Variants in GIPC1 observed in about 807,000 individuals in gnomAD.
GIPC1 encodes the protein PDZ domain-containing protein GIPC1.
A neutral mutation model predicts 28.5 loss-of-function variants in GIPC1; 15 were observed. The ratio of observed to expected loss-of-function variants is 0.53; its 90% CI spans 0.35 to 0.81. The LOEUF (loss-of-function observed/expected upper bound fraction) is 0.81, where lower values mean the gene tolerates loss of function less well. Ranked by LOEUF, GIPC1 falls within the 30% of genes least tolerant of loss-of-function variation. GIPC1 has a pLI of 0.01. For missense variants in GIPC1, 439 were observed against 481.9 expected (o/e 0.91, Z 0.83); for synonymous variants, 224 against 206.1 (o/e 1.09, Z -0.74).
Position 14,492,092 on chromosome 19 carries a change from C to G in GIPC1, c.-118-349G>C, listed in dbSNP as rs1417779819. Among the ~76,000 whole-genome samples the G allele has an allele frequency of 2.6e-5, 4 of 151,972 alleles. No individual in the cohort carries two copies. In the East Asian group the frequency reaches 7.8e-4, roughly 30 times the overall value. On this transcript the variant is annotated intron_variant, in intron 2 of 8. Transcript: ENST00000393033. ...CAAAAAAAAGAAAAAAGAAAAGACC[C>G]CTCATCATCCCTCCAATTCCGCCAG...
At chr19:14,482,638 G>C in intron 4 of GIPC1, 51 bp downstream of exon 4, 1 of 1,568,214 alleles carries the variant, frequency 6.4e-7, no homozygotes, top group Non-Finnish European at 8.7e-7. Context: ...TGCAGGCCCA[G>C]ACCTCTGGTC....
chr19:14,491,126 A>G (rs889705931), intron 3 of GIPC1, among the ~76,000 whole-genome samples: 1 of 152,136 alleles, frequency 6.6e-6, no homozygotes, highest in African/African-American at 2.4e-5. Context: ...CCTGGCCAAC[A>G]TGGTGTGAGC....
rs1235060384 is a variant in GIPC1, at chr19:14,493,460, CTCTT to C, written c.-174-552_-174-549del. The stretch of plus-strand genomic sequence containing the variant: ...AGACCTTGGCCTTGCCCATCTCTCT[CTCTT>C]TTTTTTTTTTCGAGATGGAGTCTTG... On this transcript the variant is annotated intron_variant, in intron 1 of 8. Coordinates refer to ENST00000393033, the MANE Select transcript of GIPC1 (RefSeq NM_005716.4). Among the ~76,000 whole-genome samples the C allele has an allele frequency of 6.0e-5, 9 of 150,808 alleles. No homozygotes were observed. The South Asian group carries it at 6.3e-4, about 11-fold the overall frequency.
intron 3 of GIPC1, among the ~76,000 whole-genome samples, chr19:14,483,739 ACT>A (rs2071779884): frequency 6.9e-6 from 1 of 145,874 alleles, no homozygotes; most frequent in Non-Finnish European, 1.5e-5. Context: ...AAAGAGCAAG[ACT>A]CTGTCTCAAT....
intron 3 of GIPC1, 180 bp from the exon 4 acceptor site, chr19:14,483,186 T>G: frequency 1.8e-6 from 1 of 570,484 alleles, no homozygotes. Context: ...CTGGGTGCGG[T>G]GGCTCACGCC....
chr19:14,479,420 C>A lies in GIPC1; in HGVS notation c.760G>T (p.Glu254Ter), dbSNP rs1330174413. 1.4e-6 allele frequency: 2 copies of A among 1,383,310 alleles called. No homozygotes were observed. Among genetic ancestry groups the A allele is most frequent in the East Asian group, 2.9e-5 (1 of 34,590 alleles). 85.7% of individuals were successfully genotyped at this position (1,383,310 alleles called of 1,614,324 possible). A position where few individuals can be genotyped will look rare whatever the true frequency, so the allele number is the denominator to read the frequency against. The change falls in exon 7 of 9, where the codon GAG becomes TAG. Residue 254 changes from glutamate to a stop codon, truncating the protein, a stop_gained. Coordinates refer to ENST00000393033, the MANE Select transcript of GIPC1 (RefSeq NM_005716.4). LOFTEE classifies it high-confidence loss of function. ...RLRSRGPATVEDLPSAFEEKA... is the reference protein window; with the variant it reads ...RLRSRGPATV ...CCGGCTGGAGCACTCACCAGATCCT[C>A]CACCGTGGCGGGGCCCCGGGATCGG...
intron 3 of GIPC1, among the ~76,000 whole-genome samples, chr19:14,487,525 C>T (rs2071874537): frequency 6.6e-6 from 1 of 151,876 alleles, no homozygotes; most frequent in Non-Finnish European, 1.5e-5. Flanking sequence ...TGAGTCACTG[C>T]ACCCGGCCGA....
rs761858229 is a variant in GIPC1 at position 14,482,770 on chromosome 19, G to A, written c.207C>T (p.Pro69=). The change falls in exon 4 of 9, where the codon CCC becomes CCT. Residue 69 remains proline, a synonymous_variant. Transcript: ENST00000393033. ...TGGTGAAGCCCTCGATGCGGCCAGT[G>A]GGACTGCCATGGGCCAGCTGGGTGT... ...VFHTQLAHGS[P]TGRIEGFTNV... 2 of 1,610,494 alleles carry A rather than the reference G, an allele frequency of 1.2e-6. No individual in the cohort carries two copies. The highest frequency in any genetic ancestry group is 1.1e-5 in the South Asian group (1 of 90,824).
At chr19:14,481,417 G>A (rs1236246738) in intron 4 of GIPC1, among the ~76,000 whole-genome samples, 3 of 152,092 alleles carry the variant, frequency 2.0e-5, no homozygotes, top group Non-Finnish European at 1.5e-5. Flanking sequence ...CTAGGATTTC[G>A]GTCCTAGCAA....
chr19:14,494,697 GCT>G (rs1273991141), intron 1 of GIPC1, among the ~76,000 whole-genome samples: 12 of 152,114 alleles, frequency 7.9e-5, no homozygotes, highest in African/African-American at 2.7e-4. Flanking sequence ...CGTTCTGATT[GCT>G]CTCTGTGCTC....
In GIPC1 at chr19:14,496,062, G is replaced by A; in HGVS notation, c.-200C>T. ...CTGCTCCGCCGCCGCCGCCGCCGCC[G>A]CCGCCGCCGCCGCTGCCTCCGCCTC... On this transcript the variant is annotated 5_prime_UTR_variant, in exon 1 of 9. Coordinates refer to ENST00000393033, the MANE Select transcript of GIPC1 (RefSeq NM_005716.4). The A allele has an allele frequency of 1.2e-5, 3 of 248,368 alleles. No individual in the cohort carries two copies. The highest frequency in any genetic ancestry group is 7.0e-5 in the South Asian group (1 of 14,368). 15.4% of individuals were successfully genotyped at this position (248,368 alleles called of 1,614,324 possible).
In GIPC1 at chr19:14,495,184, C is replaced by G. The variant is rs543939484; in HGVS notation, c.-175+853G>C. On this transcript the variant is annotated intron_variant, in intron 1 of 8. Transcript: ENST00000393033. ...ATCCTGGCCCCCTGCAGACGCCACT[C>G]TCTTCTCTGGACCCAGGTAGTTAGA... Among the ~76,000 whole-genome samples, 10 of 152,308 alleles carry G rather than the reference C, an allele frequency of 6.6e-5. No homozygotes were observed. The South Asian group carries it at 2.1e-3, about 32-fold the overall frequency.
Position 14,480,406 on chromosome 19 carries a change from C to G in GIPC1, c.554G>C (p.Ser185Thr). Residue 185 changes from serine to threonine, a missense_variant, in exon 6 of 9, where the codon AGC (serine) becomes ACC (threonine). Coordinates refer to ENST00000393033, the MANE Select transcript of GIPC1 (RefSeq NM_005716.4). ...CTCGTAGTGCCGGCAGCCCAGCAGG[C>G]TCTGCCCGTTAATGGCCTCGATCAT... The part of the protein sequence containing the change: ...GDMIEAINGQ[S>T]LLGCRHYEVA... 1 of 1,613,526 alleles carries G rather than the reference C, an allele frequency of 6.2e-7. No homozygotes were observed. Among genetic ancestry groups the G allele is most frequent in the South Asian group, 1.1e-5 (1 of 91,048 alleles).
At chr19:14,493,507 G>C (rs2072013955) in intron 1 of GIPC1, among the ~76,000 whole-genome samples, 1 of 151,748 alleles carries the variant, frequency 6.6e-6, no homozygotes, top group Non-Finnish European at 1.5e-5. Context: ...ACCCAGGTTG[G>C]AGTGCAGTGG....
In GIPC1 at chr19:14,478,449, G is replaced by A. The variant is rs756407408; in HGVS notation, c.969C>T (p.Gly323=). The change falls in exon 9 of 9, where the codon GGC becomes GGT. Residue 323 remains glycine, a synonymous_variant. Coordinates refer to ENST00000393033, the MANE Select transcript of GIPC1 (RefSeq NM_005716.4). The surrounding 1 kb of genome is among the most constrained non-coding windows in gnomAD (Gnocchi z 5.2). The part of the protein sequence containing the change: ...FPDEFVFDVW[G]AIGDAKVGRY The stretch of plus-strand genomic sequence containing the variant: ...GGCCGACCTTGGCGTCCCCAATGGC[G>A]CCCCAGACGTCAAAGACGAACTCGT... 32 of 1,611,776 alleles carry A rather than the reference G, an allele frequency of 2.0e-5. No homozygotes were observed. The highest frequency in any genetic ancestry group is 8.4e-5 in the Admixed American group (5 of 59,592).
At position 14,482,762 on chromosome 19, in the gene GIPC1, C is replaced by T. The variant is rs201549025; in HGVS notation, c.215G>A (p.Arg72His). 36 of 1,610,844 alleles carry T rather than the reference C, an allele frequency of 2.2e-5. No individual in the cohort carries two copies. The highest frequency in any genetic ancestry group is 1.1e-4 in the East Asian group (5 of 44,856). ...TQLAHGSPTG[R>H]IEGFTNVKEL... ...CTTGACGTTGGTGAAGCCCTCGATG[C>T]GGCCAGTGGGACTGCCATGGGCCAG... The change falls in exon 4 of 9, where the codon CGC (arginine) becomes CAC (histidine). Residue 72 changes from arginine (R) to histidine (H), a missense_variant. By Grantham distance (29) the Arg-to-His change is conservative. Transcript: ENST00000393033.
rs1341129768 is a variant in GIPC1, at chr19:14,483,005, A to G, written c.-29T>C. On this transcript the variant is annotated splice_region_variant and 5_prime_UTR_variant, in exon 4 of 9. Coordinates refer to ENST00000393033, the MANE Select transcript of GIPC1 (RefSeq NM_005716.4). Reference sequence around the variant, plus strand: ...CAGCGAGAAGTGGGGTCACCAGAAGATCTGCAGGACAGGAAGTGGGGCTCA... The same window carrying G: ...CAGCGAGAAGTGGGGTCACCAGAAGGTCTGCAGGACAGGAAGTGGGGCTCA... 1.2e-6 allele frequency: 2 copies of G among 1,601,418 alleles called. No homozygotes were observed. Among genetic ancestry groups the G allele is most frequent in the Admixed American group, 3.4e-5 (2 of 59,142 alleles).
chr19:14,489,609 A>T (rs780649120), intron 3 of GIPC1: 11 of 1,121,700 alleles, frequency 9.8e-6, no homozygotes, highest in Admixed American at 1.7e-5. Flanking sequence ...AAGCCTTGGA[A>T]TGAGTATAAA....
chr19:14,485,686 TATATATATATATATATAGAGAGAG>T (rs1485594305), intron 3 of GIPC1, among the ~76,000 whole-genome samples: 1 of 51,924 alleles, frequency 1.9e-5, no homozygotes, highest in East Asian at 3.5e-4. Context: ...AATAAACAAA[TATATATATATATATATAGAGAGAG>T]AGAGAGAGAG....
Sources: allele counts gnomAD v4.1 joint callset (sites outside exome capture counted in the v4.1 genomes callset), GRCh38; gene constraint gnomAD v4.1.1; non-coding constraint Gnocchi (gnomAD v3.1); transcripts MANE v1.5; gene names NCBI Gene and HGNC (gene_info 2026-07-23, HGNC 2026-07-21).